XPR1: variants seen among roughly 807,000 people sequenced by gnomAD.
XPR1 encodes solute carrier family 53 member 1.
A neutral mutation model predicts 87.5 loss-of-function variants in XPR1; 28 were observed. The observed-to-expected ratio is 0.32, with a 90% CI of 0.24 to 0.44. The LOEUF (loss-of-function observed/expected upper bound fraction) is 0.44. XPR1 is among the 20% of genes least tolerant of loss of function. The pLI is 1.00. For missense variants in XPR1, 559 were observed against 862.3 expected (o/e 0.65, Z 4.41); for synonymous variants, 300 against 306.1 (o/e 0.98, Z 0.21).
rs1656177185 is a variant in XPR1, at chr1:180,671,588, G to A, written c.70-10772G>A. Among the ~76,000 whole-genome samples the A allele has an allele frequency of 2.0e-5, 3 of 152,228 alleles. No individual in the cohort carries two copies. In the South Asian group the frequency reaches 6.2e-4, roughly 32 times the overall value. On this transcript the variant is annotated intron_variant, in intron 1 of 14. Coordinates refer to ENST00000367590, the MANE Select transcript of XPR1 (RefSeq NM_004736.4). ...CACCCAGGCTGGAGTGCAATGGCAT[G>A]ATCTCGGCTCACTGCAGCCCCCACC... is the stretch of plus-strand genomic sequence containing the variant.
At chr1:180,848,081 C>T (rs536756978) in intron 11 of XPR1, among the ~76,000 whole-genome samples, 1 of 152,184 alleles carries the variant, frequency 6.6e-6, no homozygotes, top group Admixed American at 6.5e-5. Context: ...GATAATTATA[C>T]ATATTTATAG....
intron 12 of XPR1, among the ~76,000 whole-genome samples, chr1:180,866,674 G>A (rs1652402669): frequency 1.3e-5 from 2 of 152,166 alleles, no homozygotes; most frequent in Non-Finnish European, 2.9e-5. Flanking sequence ...AGAGGGAACA[G>A]TGAGCCATGT....
chr1:180,774,898 G>A (rs1048667005), intron 2 of XPR1, among the ~76,000 whole-genome samples: 10 of 152,200 alleles, frequency 6.6e-5, no homozygotes, highest in African/African-American at 9.7e-5. Context: ...ACCAACAGAC[G>A]TAGTGCCTGA....
chr1:180,783,888 C>T (rs946495194), intron 2 of XPR1, among the ~76,000 whole-genome samples: 3 of 151,820 alleles, frequency 2.0e-5, no homozygotes, highest in African/African-American at 7.3e-5. Context: ...AACCCCATCT[C>T]TACTAAAACT....
chr1:180,727,110 G>T (rs1304229772), intron 2 of XPR1, among the ~76,000 whole-genome samples: 1 of 152,020 alleles, frequency 6.6e-6, no homozygotes, highest in African/African-American at 2.4e-5. Flanking sequence ...TGATCTGCCT[G>T]CCTCAGCCTC....
intron 11 of XPR1, among the ~76,000 whole-genome samples, chr1:180,840,577 T>C (rs1238914038): frequency 8.4e-6 from 1 of 119,014 alleles, no homozygotes; most frequent in Non-Finnish European, 1.8e-5. Flanking sequence ...TATATATATA[T>C]ATATATATAT....
At chr1:180,838,857 T>A (rs1651402673) in intron 11 of XPR1, among the ~76,000 whole-genome samples, 1 of 152,216 alleles carries the variant, frequency 6.6e-6, no homozygotes, top group African/African-American at 2.4e-5. Flanking sequence ...ATTAAATTAT[T>A]TCTGTCACTA....
intron 2 of XPR1, among the ~76,000 whole-genome samples, chr1:180,708,475 T>C (rs1028579700): frequency 6.6e-6 from 1 of 152,208 alleles, no homozygotes. Flanking sequence ...ATTAATGTTA[T>C]ATATATTTTA....
chr1:180,874,505 C>T (rs1429192321), intron 13 of XPR1, among the ~76,000 whole-genome samples: 2 of 151,994 alleles, frequency 1.3e-5, no homozygotes, highest in East Asian at 3.9e-4. Context: ...ACCTGGCCAA[C>T]ATGGTGAAAC....
intron 2 of XPR1, among the ~76,000 whole-genome samples, chr1:180,696,165 GGTGTGTGTGTGTGT>G (rs59249501): frequency 2.0e-3 from 202 of 102,990 alleles, no homozygotes; most frequent in African/African-American, 6.8e-3. Context: ...TTTATTCCTG[GGTGTGTGTGTGTGT>G]GTGTGTGTGT....
chr1:180,739,267 C>G (rs1050131781), intron 2 of XPR1, among the ~76,000 whole-genome samples: 1 of 152,156 alleles, frequency 6.6e-6, no homozygotes, highest in Non-Finnish European at 1.5e-5. Flanking sequence ...TACCACAGTG[C>G]CCACTTTGTC....
At chr1:180,695,608 G>A (rs1657139879) in intron 2 of XPR1, among the ~76,000 whole-genome samples, 1 of 152,104 alleles carries the variant, frequency 6.6e-6, no homozygotes, top group Non-Finnish European at 1.5e-5. Context: ...TGATTTTTGT[G>A]TGTGGTGAGA....
At chr1:180,633,362 A>G (rs1654659157) in intron 1 of XPR1, among the ~76,000 whole-genome samples, 4 of 152,230 alleles carry the variant, frequency 2.6e-5, no homozygotes, top group Non-Finnish European at 5.9e-5. Context: ...GTGTGCAGGA[A>G]CAAAGAATAT....
Position 180,885,830 on chromosome 1 carries a change from C to T in XPR1, c.*1764C>T, listed in dbSNP as rs1652991983. 6.6e-6 allele frequency: 1 copy of T among 152,200 alleles called. No homozygotes were observed. The highest frequency in any genetic ancestry group is 2.1e-4 in the South Asian group (1 of 4,826). 9.4% of individuals were successfully genotyped at this position (152,200 alleles called of 1,614,324 possible). On this transcript the variant is annotated 3_prime_UTR_variant, in exon 15 of 15. Transcript: ENST00000367590. ...TTCCACCATGTATTACAAGTCTTGA[C>T]CCATCCCTGTCGTAACTCCAGTAAA...
At chr1:180,663,751 G>T (rs977503253) in intron 1 of XPR1, among the ~76,000 whole-genome samples, 1 of 152,142 alleles carries the variant, frequency 6.6e-6, no homozygotes, top group African/African-American at 2.4e-5. Flanking sequence ...CCAAGTCCCC[G>T]GGCAGGTCCA....
intron 2 of XPR1, among the ~76,000 whole-genome samples, chr1:180,730,521 A>T (rs1658518745): frequency 6.6e-6 from 1 of 152,060 alleles, no homozygotes; most frequent in Non-Finnish European, 1.5e-5. Context: ...TACATGAATA[A>T]TTTTCCCCCT....
chr1:180,664,022 G>A (rs1264049938), intron 1 of XPR1, among the ~76,000 whole-genome samples: 2 of 152,114 alleles, frequency 1.3e-5, no homozygotes, highest in Non-Finnish European at 2.9e-5. Flanking sequence ...TGGGACTCAC[G>A]CTTCAGGTCA....
intron 13 of XPR1, among the ~76,000 whole-genome samples, chr1:180,879,121 G>A (rs1195479667): frequency 2.6e-5 from 4 of 152,136 alleles, no homozygotes; most frequent in African/African-American, 4.8e-5. Context: ...ACCCTAAGAC[G>A]ACTCACATCG....
At chr1:180,827,961 C>G (rs1014360561) in intron 9 of XPR1, among the ~76,000 whole-genome samples, 1 of 151,094 alleles carries the variant, frequency 6.6e-6, no homozygotes, top group African/African-American at 2.4e-5. Flanking sequence ...ACTGCAACCT[C>G]CACCTCCCAG....
Sources: allele counts gnomAD v4.1 joint callset (sites outside exome capture counted in the v4.1 genomes callset), GRCh38; gene constraint gnomAD v4.1.1; transcripts MANE v1.5; gene names NCBI Gene and HGNC (gene_info 2026-07-23, HGNC 2026-07-21).